The following ZMAT4 variants were observed in gnomAD, a reference collection of about 807,000 sequenced individuals.
ZMAT4 encodes zinc finger matrin-type protein 4.
A neutral mutation model predicts 28.7 loss-of-function variants in ZMAT4; 17 were observed. That is an observed-to-expected ratio of 0.59 (90% CI 0.41 to 0.89). The LOEUF is 0.89. Ranked by LOEUF, ZMAT4 falls within the 40% of genes least tolerant of loss-of-function variation. The pLI, the probability that ZMAT4 is intolerant of heterozygous loss-of-function variation, is 0.00. For synonymous variants in ZMAT4, 117 were observed against 109.2 expected (o/e 1.07, Z -0.44); for missense variants, 240 against 283.8 (o/e 0.85, Z 1.11).
chr8:40,756,033 G>T (rs368054704), intron 3 of ZMAT4, among the ~76,000 whole-genome samples: 1 of 152,098 alleles, frequency 6.6e-6, no homozygotes, highest in Non-Finnish European at 1.5e-5. Flanking sequence ...ACCCTGAAGA[G>T]ACCCAAATGA....
chr8:40,719,540 G>A (rs767306311), intron 3 of ZMAT4, among the ~76,000 whole-genome samples: 3 of 152,090 alleles, frequency 2.0e-5, no homozygotes, highest in African/African-American at 4.8e-5. Context: ...GACAGGCAGC[G>A]AGTTCGTGGA....
chr8:40,563,686 G>T (rs1803820759), intron 6 of ZMAT4, among the ~76,000 whole-genome samples: 1 of 152,130 alleles, frequency 6.6e-6, no homozygotes. Flanking sequence ...TATTCCACAT[G>T]CATGATTCTG....
intron 1 of ZMAT4, among the ~76,000 whole-genome samples, chr8:40,847,449 G>A (rs1307178305): frequency 1.3e-5 from 2 of 152,226 alleles, no homozygotes; most frequent in African/African-American, 2.4e-5. Context: ...CAAGAGTGGA[G>A]AAGCAGAGAG....
intron 1 of ZMAT4, among the ~76,000 whole-genome samples, chr8:40,836,759 A>T (rs1024233933): frequency 6.6e-6 from 1 of 152,208 alleles, no homozygotes; most frequent in African/African-American, 2.4e-5. Flanking sequence ...TGATTGCCTT[A>T]GGTTGGGGAG....
intron 1 of ZMAT4, among the ~76,000 whole-genome samples, chr8:40,874,770 C>T (rs944373275): frequency 9.2e-5 from 14 of 152,322 alleles, no homozygotes; most frequent in African/African-American, 3.1e-4. Context: ...AACAGTGGCC[C>T]AAGCCCTTTC....
At chr8:40,695,768 A>ATTTTTTTTT (rs756360990) in intron 4 of ZMAT4, among the ~76,000 whole-genome samples, 1 of 58,468 alleles carries the variant, frequency 1.7e-5, no homozygotes, top group African/African-American at 6.8e-5. Context: ...CCATGTGGCA[A>ATTTTTTTTT]TTTTTTTTTT....
At chr8:40,695,052 A>G (rs1052939331) in intron 4 of ZMAT4, among the ~76,000 whole-genome samples, 25 of 152,308 alleles carry the variant, frequency 1.6e-4, no homozygotes, top group Middle Eastern at 3.4e-3. Flanking sequence ...CAACAGCATT[A>G]GATCGTTCCC....
Position 40,633,820 on chromosome 8 carries a change from C to T in ZMAT4, c.577+40884G>A, listed in dbSNP as rs145664699. Among the ~76,000 whole-genome samples the T allele has an allele frequency of 1.3e-3, 192 of 152,322 alleles. 1 individual carries two copies. The highest frequency in any genetic ancestry group is 4.6e-3 in the African/African-American group (190 of 41,570). On this transcript the variant is annotated intron_variant, in intron 5 of 6. Coordinates refer to ENST00000297737, the MANE Select transcript of ZMAT4 (RefSeq NM_024645.3). ...TGTCACAGGCAGAGTCTCAAGATGT[C>T]CACTACATCTGCAGGGGCAGACGTG...
At chr8:40,601,494 A>AAAGAAAGAAAGC (rs1220602089) in intron 5 of ZMAT4, among the ~76,000 whole-genome samples, 1 of 82,126 alleles carries the variant, frequency 1.2e-5, no homozygotes, top group Non-Finnish European at 3.4e-5. Flanking sequence ...AGAAAGAAAG[A>AAAGAAAGAAAGC]GAGAAAGAAA....
intron 3 of ZMAT4, among the ~76,000 whole-genome samples, chr8:40,701,064 A>G (rs1393482541): frequency 6.6e-6 from 1 of 152,140 alleles, no homozygotes; most frequent in Non-Finnish European, 1.5e-5. Context: ...ATGGCAACCC[A>G]CCATTTTTCC....
intron 5 of ZMAT4, among the ~76,000 whole-genome samples, chr8:40,631,223 A>G (rs936551724): frequency 2.0e-5 from 3 of 152,128 alleles, no homozygotes; most frequent in Non-Finnish European, 4.4e-5. Flanking sequence ...CCCAGGCTGG[A>G]GTGCTGAGGC....
At chr8:40,566,038 A>G (rs532159020) in intron 6 of ZMAT4, among the ~76,000 whole-genome samples, 1 of 152,252 alleles carries the variant, frequency 6.6e-6, no homozygotes, top group Non-Finnish European at 1.5e-5. Flanking sequence ...ACAAGAAATC[A>G]ATTTATTTAC....
chr8:40,732,450 A>G (rs1480288251), intron 3 of ZMAT4, among the ~76,000 whole-genome samples: 1 of 152,162 alleles, frequency 6.6e-6, no homozygotes, highest in Non-Finnish European at 1.5e-5. Context: ...ACCCAAGTAG[A>G]AAAGAGGCAT....
intron 3 of ZMAT4, among the ~76,000 whole-genome samples, chr8:40,712,052 T>C (rs1166143491): frequency 6.6e-6 from 1 of 152,200 alleles, no homozygotes; most frequent in Admixed American, 6.5e-5. Context: ...CTTTTAAATA[T>C]TGACGAAGAT....
At chr8:40,843,500 G>C (rs907383901) in intron 1 of ZMAT4, among the ~76,000 whole-genome samples, 10 of 152,198 alleles carry the variant, frequency 6.6e-5, no homozygotes, top group Non-Finnish European at 1.3e-4. Flanking sequence ...GGGACAGAAT[G>C]CTTCCCAGGA....
At chr8:40,674,523 T>C (rs1808823957) in intron 5 of ZMAT4, 181 bp downstream of exon 5, 1 of 578,684 alleles carries the variant, frequency 1.7e-6, no homozygotes, top group Admixed American at 3.0e-5. Flanking sequence ...ACAAAGGAGA[T>C]TATAAAAATT....
intron 2 of ZMAT4, among the ~76,000 whole-genome samples, chr8:40,777,982 C>T (rs1391997878): frequency 6.6e-6 from 1 of 152,214 alleles, no homozygotes; most frequent in Non-Finnish European, 1.5e-5. Flanking sequence ...CTTGATCCAA[C>T]CCCACAACAC....
chr8:40,743,653 C>T (rs1038340214), intron 3 of ZMAT4, among the ~76,000 whole-genome samples: 2 of 152,186 alleles, frequency 1.3e-5, no homozygotes, highest in African/African-American at 4.8e-5. Context: ...GTTGGAAGCC[C>T]TGGGTACACA....
chr8:40,845,878 C>T (rs1816875495), intron 1 of ZMAT4, among the ~76,000 whole-genome samples: 1 of 151,634 alleles, frequency 6.6e-6, no homozygotes, highest in South Asian at 2.1e-4. Context: ...CAATTAGGAG[C>T]GGCCCCAAAA....
Sources: gnomAD v4.1 joint callset for allele counts (sites outside exome capture counted in the v4.1 genomes callset) on GRCh38, gnomAD v4.1.1 for gene constraint, MANE v1.5 for transcripts, NCBI Gene and HGNC (gene_info 2026-07-23, HGNC 2026-07-21) for gene names.